The following TSNARE1 variants were observed in gnomAD, a reference collection of about 807,000 sequenced individuals.
TSNARE1 encodes t-SNARE domain-containing protein 1.
A neutral mutation model predicts 62.0 loss-of-function variants in TSNARE1; 49 were observed. The observed-to-expected ratio is 0.79, with a 90% CI of 0.63 to 1.00. TSNARE1 has a LOEUF of 1.00. TSNARE1 is among the 50% of genes least tolerant of loss of function. The pLI is 0.00. For synonymous variants in TSNARE1, 328 were observed against 294.4 expected, an observed-to-expected ratio of 1.11 and a Z score of -1.17; for missense variants, 755 against 700.1, an observed-to-expected ratio of 1.08 and a Z score of -0.88.
At chr8:142,223,039 C>CTCACTCATTCACTCACTCACTCACTCAT (rs1563756569) in intron 13 of TSNARE1, among the ~76,000 whole-genome samples, 1 of 92,424 alleles carries the variant, frequency 1.1e-5, no homozygotes, top group Non-Finnish European at 2.4e-5. Context: ...CACTCATTCA[C>CTCACTCATTCACTCACTCACTCACTCAT]TCACTCACTC....
intron 13 of TSNARE1, among the ~76,000 whole-genome samples, chr8:142,223,314 T>TCAAC (rs1382604584): frequency 2.0e-3 from 15 of 7,530 alleles, no homozygotes; most frequent in African/African-American, 4.5e-3. Flanking sequence ...ACTCATTCAC[T>TCAAC]CACTCATTCA....
intron 6 of TSNARE1, among the ~76,000 whole-genome samples, chr8:142,320,084 T>C (rs1829252206): frequency 6.6e-6 from 1 of 152,110 alleles, no homozygotes. Context: ...CACCCTGGGC[T>C]GCCACGCAGC....
At chr8:142,342,591 C>T (rs1293566936) in intron 4 of TSNARE1, among the ~76,000 whole-genome samples, 2 of 152,224 alleles carry the variant, frequency 1.3e-5, no homozygotes, top group Non-Finnish European at 2.9e-5. Flanking sequence ...ACCAGGCTGC[C>T]GCCCTCCTCT....
intron 2 of TSNARE1, among the ~76,000 whole-genome samples, chr8:142,352,631 C>T (rs369131245): frequency 5.3e-5 from 8 of 152,244 alleles, no homozygotes; most frequent in Non-Finnish European, 1.2e-4. Flanking sequence ...CCACGCGCAA[C>T]GTGGAGGCTC....
intron 9 of TSNARE1, 24 bp downstream of exon 9, chr8:142,314,360 C>G (rs1268984354): frequency 1.2e-6 from 2 of 1,610,618 alleles, no homozygotes; most frequent in Non-Finnish European, 1.7e-6. Context: ...CAGCCACTGA[C>G]CATGGTCAGT....
chr8:142,260,493 T>C (rs10095785), intron 12 of TSNARE1, among the ~76,000 whole-genome samples: 85,928 of 152,016 alleles, frequency 0.57, 25,234 homozygotes, highest in African/African-American at 0.71. Context: ...CCAGGGAGGC[T>C]GGGTGGGTTA....
At chr8:142,339,189 C>T (rs1016188709) in intron 4 of TSNARE1, among the ~76,000 whole-genome samples, 1 of 152,092 alleles carries the variant, frequency 6.6e-6, no homozygotes, top group Non-Finnish European at 1.5e-5. Flanking sequence ...AAACGGAGTA[C>T]CCCAAAACCT....
chr8:142,405,603 C>T (rs950268635), upstream of TSNARE1: 3 of 152,234 alleles, frequency 2.0e-5, no homozygotes, highest in African/African-American at 7.2e-5. Flanking sequence ...GAAATGCTCC[C>T]TCTCTGAATA....
At chr8:142,325,351 T>C (rs932506078) in intron 6 of TSNARE1, among the ~76,000 whole-genome samples, 5 of 152,202 alleles carry the variant, frequency 3.3e-5, no homozygotes, top group Admixed American at 1.3e-4. Context: ...GAGCAGGAAC[T>C]GATGTGATCA....
At chr8:142,253,514 T>C (rs61513914) in intron 12 of TSNARE1, among the ~76,000 whole-genome samples, 1 of 41,672 alleles carries the variant, frequency 2.4e-5, no homozygotes, top group Non-Finnish European at 3.9e-5. Context: ...ATTCTGGGCA[T>C]AGACCCACTG....
chr8:142,323,768 A>G (rs1362356420), intron 6 of TSNARE1, among the ~76,000 whole-genome samples: 3 of 152,212 alleles, frequency 2.0e-5, no homozygotes, highest in African/African-American at 7.2e-5. Context: ...ACTCGCCATC[A>G]CGAGGCAGTT....
At chr8:142,254,180 G>A (rs1818315640) in intron 12 of TSNARE1, among the ~76,000 whole-genome samples, 1 of 152,232 alleles carries the variant, frequency 6.6e-6, no homozygotes, top group Non-Finnish European at 1.5e-5. Context: ...GCTTTTTAAT[G>A]AAACCGATCT....
In TSNARE1 at chr8:142,218,423, G is replaced by A. The variant is rs145267455; in HGVS notation, c.*12-6110C>T. 2.1e-3 allele frequency among the ~76,000 whole-genome samples: 314 copies of A among 152,314 alleles called. 2 individuals carry two copies. The highest frequency in any genetic ancestry group is 7.2e-3 in the African/African-American group (301 of 41,568). The stretch of plus-strand genomic sequence containing the variant: ...TGGAGCTTCACTGTGTGGGTTTCTA[G>A]GCCTTCTTGGAGCACAGACCACTCA... On this transcript the variant is annotated intron_variant, in intron 13 of 13. Transcript: ENST00000524325.
At chr8:142,318,781 G>C (rs1828992305) in intron 6 of TSNARE1, 147 bp from the exon 7 acceptor site, 2 of 661,338 alleles carry the variant, frequency 3.0e-6, no homozygotes, top group East Asian at 2.7e-5. Flanking sequence ...AGGGCCGAGA[G>C]ACACACAGAG....
chr8:142,342,455 G>C (rs1832714245), intron 4 of TSNARE1, among the ~76,000 whole-genome samples: 1 of 152,200 alleles, frequency 6.6e-6, no homozygotes. Flanking sequence ...AATGTCTTGA[G>C]GGGAACCTTG....
intron 12 of TSNARE1, among the ~76,000 whole-genome samples, chr8:142,260,972 G>GGAGAGAAGGA (rs1818831441): frequency 8.6e-4 from 2 of 2,330 alleles, no homozygotes; most frequent in Non-Finnish European, 3.2e-3. Flanking sequence ...CAGTCAGGGA[G>GGAGAGAAGGA]GGAGGGAGGG....
intron 1 of TSNARE1, among the ~76,000 whole-genome samples, chr8:142,381,678 G>A (rs535332580): frequency 6.6e-5 from 10 of 152,272 alleles, no homozygotes; most frequent in African/African-American, 1.9e-4. Flanking sequence ...GGAGCCACGT[G>A]GGGCAAACCA....
intron 12 of TSNARE1, among the ~76,000 whole-genome samples, chr8:142,250,349 A>G (rs923589555): frequency 2.6e-5 from 4 of 151,596 alleles, no homozygotes; most frequent in Admixed American, 1.3e-4. Context: ...AGCGAGTTAG[A>G]GCTCCTTGGG....
rs1586766674 is a variant in TSNARE1, at chr8:142,222,901, T to TTC, written c.*11+6571_*11+6572insGA. Among the ~76,000 whole-genome samples, 15 of 32,250 alleles carry TTC rather than the reference T, an allele frequency of 4.7e-4. No individual in the cohort carries two copies. The East Asian group carries it at 0.019, about 40-fold the overall frequency. The allele number at this position is 32,250 out of a possible 152,430, so 21.2% of individuals were successfully genotyped here. A position where few individuals can be genotyped will look rare whatever the true frequency, so the allele number is the denominator to read the frequency against. On this transcript the variant is annotated intron_variant, in intron 13 of 13. Coordinates refer to ENST00000524325, the MANE Select transcript of TSNARE1 (RefSeq NM_145003.5). Reference sequence around the variant, plus strand: ...TTACTCATCCACTCACTCATTCACTTACTCATCCACTCATTCACTCATTCA... The same window carrying TTC: ...TTACTCATCCACTCACTCATTCACTTTCACTCATCCACTCATTCACTCATTCA...
Sources: allele counts gnomAD v4.1 joint callset (sites outside exome capture counted in the v4.1 genomes callset), GRCh38; gene constraint gnomAD v4.1.1; transcripts MANE v1.5; gene names NCBI Gene and HGNC (gene_info 2026-07-23, HGNC 2026-07-21).